PCDHGA7: variants seen among roughly 807,000 people sequenced by gnomAD.
PCDHGA7 encodes the protein protocadherin gamma subfamily A, 7.
In PCDHGA7, 44 loss-of-function variants were observed where a neutral mutation model predicts 58.3. That is an observed-to-expected ratio of 0.75 (90% CI 0.59 to 0.97). The LOEUF (loss-of-function observed/expected upper bound fraction) is 0.97, where lower values mean the gene tolerates loss of function less well. Among genes scored for constraint, PCDHGA7 ranks in the 50% least tolerant of loss-of-function variants. The pLI, the probability that PCDHGA7 is intolerant of heterozygous loss-of-function variation, is 0.00. For synonymous variants in PCDHGA7, 516 were observed against 504.2 expected (o/e 1.02, Z -0.31); for missense variants, 1,266 against 1,188.7 (o/e 1.06, Z -0.96).
At chr5:141,437,862 C>T (rs535370570) in intron 1 of PCDHGA7, among the ~76,000 whole-genome samples, 5 of 152,002 alleles carry the variant, frequency 3.3e-5, no homozygotes, top group African/African-American at 9.6e-5. Context: ...CTTAGCCTCC[C>T]GAGTAGCTGG....
intron 2 of PCDHGA7, among the ~76,000 whole-genome samples, chr5:141,495,623 C>T (rs990126072): frequency 3.3e-5 from 5 of 152,208 alleles, no homozygotes; most frequent in South Asian, 2.1e-4. Context: ...GCACCTCAGC[C>T]TCAGTCCCTT....
chr5:141,506,304 C>A (rs569926873), intron 3 of PCDHGA7, among the ~76,000 whole-genome samples: 3 of 152,078 alleles, frequency 2.0e-5, no homozygotes, highest in Non-Finnish European at 4.4e-5. Context: ...CAAAAATTAG[C>A]TGGGCATGGT....
In PCDHGA7 at chr5:141,418,134, G is replaced by A. The variant is rs367774534; in HGVS notation, c.2424+32811G>A. ...TTACTTGTGAAGGACCGAATAGACC[G>A]TGAGCAAATATGCAAAGAGAGAAGA... On this transcript the variant is annotated intron_variant, in intron 1 of 3. Transcript: ENST00000518325. The A allele has an allele frequency of 3.1e-6, 5 of 1,613,970 alleles. No individual in the cohort carries two copies. In the African/African-American group the frequency reaches 4.0e-5, roughly 13 times the overall value.
rs1445450316 is a variant in PCDHGA7, at chr5:141,491,210, C to T, written c.2425-3597C>T. On this transcript the variant is annotated intron_variant, in intron 1 of 3. Coordinates refer to ENST00000518325, the MANE Select transcript of PCDHGA7 (RefSeq NM_018920.4). The surrounding 1 kb of genome is among the most constrained non-coding windows in gnomAD (Gnocchi z 6.9). ...AGGGACAATGGTGACCCTTCACTCT[C>T]CTCCACAGCCACAGTGCTGCTGGTT... The T allele has an allele frequency of 3.7e-6, 6 of 1,614,228 alleles. No homozygotes were observed. Among genetic ancestry groups the T allele is most frequent in the Non-Finnish European group, 3.4e-6 (4 of 1,180,032 alleles).
rs1229661535 is a variant in PCDHGA7, at chr5:141,383,575, G to A, written c.676G>A (p.Ala226Thr). The change falls in exon 1 of 4, where the codon GCC (alanine) becomes ACC (threonine). Residue 226 changes from alanine to threonine, a missense_variant. Physicochemically the swap from Ala to Thr is moderately conservative, Grantham distance 58 (BLOSUM62 0). Coordinates refer to ENST00000518325, the MANE Select transcript of PCDHGA7 (RefSeq NM_018920.4). ...CGGCGACCCGCCCCGATCCAGCACC[G>A]CCCACATCCAGGTGACAGTGGTGGA... ...DGGDPPRSST[A>T]HIQVTVVDVN... 1.1e-5 allele frequency: 17 copies of A among 1,613,114 alleles called. No homozygotes were observed. Among genetic ancestry groups the A allele is most frequent in the Non-Finnish European group, 1.4e-5 (16 of 1,179,734 alleles).
chr5:141,478,878 T>C (rs946127535), intron 1 of PCDHGA7: 8 of 1,250,076 alleles, frequency 6.4e-6, no homozygotes, highest in Non-Finnish European at 8.6e-6. Context: ...GAGTTTAGCT[T>C]GGTATCATTT....
chr5:141,441,362 G>A (rs1489202253), intron 1 of PCDHGA7: 1 of 152,484 alleles, frequency 6.6e-6, no homozygotes, highest in Non-Finnish European at 1.5e-5. Context: ...AACAAATGGG[G>A]CCGTGGACCA....
At chr5:141,451,060 C>T (rs1241509553) in intron 1 of PCDHGA7, among the ~76,000 whole-genome samples, 1 of 151,562 alleles carries the variant, frequency 6.6e-6, no homozygotes, top group African/African-American at 2.4e-5. Context: ...GAACTCCTGA[C>T]CTTGTGATCC....
At chr5:141,441,763 G>A in intron 1 of PCDHGA7, 1 of 384,020 alleles carries the variant, frequency 2.6e-6, no homozygotes, top group Non-Finnish European at 5.2e-6. Flanking sequence ...GTGAGCCTGC[G>A]CGTGTTGGTG....
At chr5:141,414,829 T>C (rs746789783) in intron 1 of PCDHGA7, 18 of 1,614,078 alleles carry the variant, frequency 1.1e-5, no homozygotes, top group Non-Finnish European at 1.5e-5. Context: ...CAACGTGTCG[T>C]TGAGCCTGTT....
chr5:141,485,259 G>C lies in PCDHGA7; in HGVS notation c.2425-9548G>C. ...TTTTACCACCTGGGTTACGTTTGTGGGCAGATCCGCTACCCGGTCCCAGAG... is the reference window on the plus strand; with the variant it reads ...TTTTACCACCTGGGTTACGTTTGTGCGCAGATCCGCTACCCGGTCCCAGAG... On this transcript the variant is annotated intron_variant, in intron 1 of 3. Coordinates refer to ENST00000518325, the MANE Select transcript of PCDHGA7 (RefSeq NM_018920.4). The surrounding 1 kb of genome is among the most constrained non-coding windows in gnomAD (Gnocchi z 5.7). 1.2e-6 allele frequency: 2 copies of C among 1,614,136 alleles called. No homozygotes were observed. The highest frequency in any genetic ancestry group is 1.7e-6 in the Non-Finnish European group (2 of 1,180,002).
In PCDHGA7 at chr5:141,419,332, C is replaced by T. The variant is rs1356380695; in HGVS notation, c.2424+34009C>T. On this transcript the variant is annotated intron_variant, in intron 1 of 3. Transcript: ENST00000518325. Reference sequence around the variant, plus strand: ...TCAACGGCCGTGTCTCCTACTCTCTCATTGCCAGCGACCTGGAGTCACGAA... The same window carrying T: ...TCAACGGCCGTGTCTCCTACTCTCTTATTGCCAGCGACCTGGAGTCACGAA... 3.7e-6 allele frequency: 6 copies of T among 1,613,832 alleles called. No individual in the cohort carries two copies. The Admixed American group carries it at 8.3e-5, about 22-fold the overall frequency.
At chr5:141,496,268 G>T (rs1237681971) in intron 2 of PCDHGA7, among the ~76,000 whole-genome samples, 1 of 152,208 alleles carries the variant, frequency 6.6e-6, no homozygotes, top group Non-Finnish European at 1.5e-5. Flanking sequence ...TCAGCAGAAA[G>T]ACCTTCAGTT....
chr5:141,447,885 A>T (rs2098554278), intron 1 of PCDHGA7, among the ~76,000 whole-genome samples: 1 of 152,134 alleles, frequency 6.6e-6, no homozygotes, highest in Admixed American at 6.6e-5. Context: ...CAGGAGTTCG[A>T]GACCAGCCTG....
chr5:141,426,364 G>C (rs918838005), intron 1 of PCDHGA7: 1 of 202,328 alleles, frequency 4.9e-6, no homozygotes, highest in Non-Finnish European at 1.0e-5. Flanking sequence ...TTTGTTCTGC[G>C]GGGCACCCTC....
intron 1 of PCDHGA7, chr5:141,429,208 G>A (rs568951026): frequency 5.4e-4 from 77 of 142,568 alleles, no homozygotes; most frequent in African/African-American, 1.9e-3. Context: ...ACACACACGT[G>A]TGAAAAGTGG....
chr5:141,451,597 C>A (rs2098719892), intron 1 of PCDHGA7, among the ~76,000 whole-genome samples: 1 of 152,076 alleles, frequency 6.6e-6, no homozygotes, highest in Admixed American at 6.6e-5. Context: ...AAGTGACATA[C>A]AAGGCTAGGC....
Position 141,399,669 on chromosome 5 carries a change from C to T in PCDHGA7, c.2424+14346C>T, listed in dbSNP as rs2093861369. 1.9e-6 allele frequency: 3 copies of T among 1,613,524 alleles called. No individual in the cohort carries two copies. The African/African-American group carries it at 4.0e-5, about 22-fold the overall frequency. On this transcript the variant is annotated intron_variant, in intron 1 of 3. Coordinates refer to ENST00000518325, the MANE Select transcript of PCDHGA7 (RefSeq NM_018920.4). ...AAAGTGGGGTGGTGTTCGCGCAGCG[C>T]GCCTTTGACTACGAGCAGCTGCGCA...
chr5:141,403,577 C>A (rs1188693688), intron 1 of PCDHGA7: 5 of 1,613,812 alleles, frequency 3.1e-6, no homozygotes, highest in Non-Finnish European at 3.4e-6. Context: ...AACTGCCCAC[C>A]ACCTGGTCCT....
Sources: allele counts gnomAD v4.1 joint callset (sites outside exome capture counted in the v4.1 genomes callset), GRCh38; gene constraint gnomAD v4.1.1; non-coding constraint Gnocchi (gnomAD v3.1); transcripts MANE v1.5; gene names NCBI Gene and HGNC (gene_info 2026-07-23, HGNC 2026-07-21).